BMPR2: variants seen among roughly 807,000 people sequenced by gnomAD.
BMPR2 encodes the protein bone morphogenetic protein receptor type-2.
BMPR2 carries 29 observed loss-of-function variants against 100.8 expected under a neutral mutation model. The ratio of observed to expected loss-of-function variants is 0.29; its 90% CI spans 0.21 to 0.39. The LOEUF is 0.39. BMPR2 is among the 10% of genes least tolerant of loss of function. BMPR2 has a pLI of 1.00. For missense variants in BMPR2, 1,011 were observed against 1,274.5 expected, an observed-to-expected ratio of 0.79 and a Z score of 3.15; for synonymous variants, 382 against 442.3, an observed-to-expected ratio of 0.86 and a Z score of 1.71.
chr2:202,428,378 C>T (rs765381465), intron 1 of BMPR2, among the ~76,000 whole-genome samples: 23 of 149,808 alleles, frequency 1.5e-4, no homozygotes, highest in Non-Finnish European at 3.2e-4. Context: ...CTCTCTCCTT[C>T]TGTTTCTCTC....
chr2:202,455,390 A>G (rs1188429324), intron 1 of BMPR2, among the ~76,000 whole-genome samples: 1 of 152,190 alleles, frequency 6.6e-6, no homozygotes, highest in Non-Finnish European at 1.5e-5. Flanking sequence ...TCTATCTAAA[A>G]AATAAAAATA....
At chr2:202,431,719 A>G (rs1156323817) in intron 1 of BMPR2, among the ~76,000 whole-genome samples, 1 of 150,440 alleles carries the variant, frequency 6.6e-6, no homozygotes, top group Non-Finnish European at 1.5e-5. Flanking sequence ...GGAGCAATAG[A>G]CTTTATAACC....
intron 3 of BMPR2, among the ~76,000 whole-genome samples, chr2:202,480,208 C>T (rs1201946822): frequency 6.6e-6 from 1 of 152,146 alleles, no homozygotes; most frequent in African/African-American, 2.4e-5. Context: ...TGTCAGCTCA[C>T]TGCAACCTCC....
rs139189422 is a variant in BMPR2 at position 202,457,374 on chromosome 2, A to G, written c.77-7435A>G. Among the ~76,000 whole-genome samples, 611 of 151,902 alleles carry G rather than the reference A, an allele frequency of 4.0e-3. 4 individuals are homozygous for G. Among genetic ancestry groups the G allele is most frequent in the Admixed American group, 0.013 (202 of 15,242 alleles). ...CCTTAATATAGCTCATTTATCATGA[A>G]CATGATATAATAATTTTTCATGACT... On this transcript the variant is annotated intron_variant, in intron 1 of 12. Transcript: ENST00000374580.
intron 6 of BMPR2, 46 bp downstream of exon 6, chr2:202,519,098 A>T (rs1687774536): frequency 6.3e-7 from 1 of 1,580,400 alleles, no homozygotes; most frequent in African/African-American, 1.3e-5. Context: ...GTGGTGGCTT[A>T]TGCCTGTAAT....
At chr2:202,518,127 CTTTTTTT>C (rs35869694) in intron 5 of BMPR2, among the ~76,000 whole-genome samples, 6 of 77,018 alleles carry the variant, frequency 7.8e-5, no homozygotes, top group Non-Finnish European at 9.8e-5. Flanking sequence ...CGCCTGGCCT[CTTTTTTT>C]TTTTTTTTTT....
At chr2:202,425,331 A>G (rs1691364151) in intron 1 of BMPR2, among the ~76,000 whole-genome samples, 1 of 152,200 alleles carries the variant, frequency 6.6e-6, no homozygotes, top group Non-Finnish European at 1.5e-5. Flanking sequence ...ATGGACAGAA[A>G]AAGGAAAGTA....
chr2:202,396,986 G>A (rs1446541446), intron 1 of BMPR2, among the ~76,000 whole-genome samples: 12 of 151,912 alleles, frequency 7.9e-5, no homozygotes, highest in South Asian at 4.2e-4. Context: ...TAGTAGAGTC[G>A]GGGTTTCTCC....
At chr2:202,523,384 A>G (rs1687853263) in intron 7 of BMPR2, among the ~76,000 whole-genome samples, 1 of 152,248 alleles carries the variant, frequency 6.6e-6, no homozygotes, top group Admixed American at 6.5e-5. Context: ...TACTGGGTAT[A>G]TATCCAAAAG....
chr2:202,457,204 A>G (rs1011097463), intron 1 of BMPR2, among the ~76,000 whole-genome samples: 1 of 152,146 alleles, frequency 6.6e-6, no homozygotes, highest in African/African-American at 2.4e-5. Flanking sequence ...AAAACAATGA[A>G]TGAGATTAAA....
At chr2:202,429,006 A>C (rs527868756) in intron 1 of BMPR2, among the ~76,000 whole-genome samples, 192 of 152,312 alleles carry the variant, frequency 1.3e-3, no homozygotes, top group African/African-American at 4.4e-3. Context: ...AGTTTAAGAA[A>C]GTAAAGTATT....
At chr2:202,498,689 G>C (rs983504607) in intron 3 of BMPR2, among the ~76,000 whole-genome samples, 1 of 152,092 alleles carries the variant, frequency 6.6e-6, no homozygotes, top group South Asian at 2.1e-4. Context: ...AAGCCATTGG[G>C]ACCAATTTGA....
At chr2:202,384,569 T>TTTCTTTTTTTCTTTTTTTCTTTC (rs138215628) in intron 1 of BMPR2, among the ~76,000 whole-genome samples, 1 of 93,504 alleles carries the variant, frequency 1.1e-5, no homozygotes, top group South Asian at 3.2e-4. Flanking sequence ...TCTTTCTTTC[T>TTTCTTTTTTTCTTTTTTTCTTTC]TTTTCTTTCT....
intron 3 of BMPR2, chr2:202,474,609 C>G (rs996960021): frequency 5.3e-5 from 8 of 152,256 alleles, no homozygotes; most frequent in African/African-American, 1.4e-4. Context: ...AGCTCCGCCT[C>G]CCGGGTTCAC....
At chr2:202,410,903 A>C (rs752030997) in intron 1 of BMPR2, among the ~76,000 whole-genome samples, 1 of 152,140 alleles carries the variant, frequency 6.6e-6, no homozygotes, top group Non-Finnish European at 1.5e-5. Flanking sequence ...AATAATAATA[A>C]AAAATAGTAA....
chr2:202,485,773 G>T (rs1055145571), intron 3 of BMPR2, among the ~76,000 whole-genome samples: 1 of 151,754 alleles, frequency 6.6e-6, no homozygotes, highest in African/African-American at 2.4e-5. Flanking sequence ...TCAAACTCCT[G>T]ACCTCAAGTG....
At chr2:202,384,548 C>T (rs913839928) in intron 1 of BMPR2, among the ~76,000 whole-genome samples, 1 of 65,302 alleles carries the variant, frequency 1.5e-5, no homozygotes, top group Non-Finnish European at 3.0e-5. Flanking sequence ...TTCTTTCTTT[C>T]TTTCTTTCTT....
chr2:202,454,911 T>C (rs1231089202), intron 1 of BMPR2, among the ~76,000 whole-genome samples: 2 of 152,216 alleles, frequency 1.3e-5, no homozygotes, highest in South Asian at 2.1e-4. Context: ...AGGTGCTAGA[T>C]GACTTGGATC....
chr2:202,542,207 GAC>G (rs1473712294), intron 9 of BMPR2, 102 bp from the exon 10 acceptor site: 17 of 1,348,212 alleles, frequency 1.3e-5, no homozygotes, highest in East Asian at 4.7e-5. Context: ...AAAAGATTGT[GAC>G]ACAATTTTTT....
Sources: gnomAD v4.1 joint callset for allele counts (sites outside exome capture counted in the v4.1 genomes callset) on GRCh38, gnomAD v4.1.1 for gene constraint, MANE v1.5 for transcripts, NCBI Gene and HGNC (gene_info 2026-07-23, HGNC 2026-07-21) for gene names.